LONP1: variants seen among roughly 807,000 people sequenced by gnomAD.
The protein encoded by LONP1 is lon protease homolog, mitochondrial.
In LONP1, 31 loss-of-function variants were observed where a neutral mutation model predicts 98.5. The observed-to-expected ratio is 0.31, with a 90% CI of 0.24 to 0.42. The LOEUF (loss-of-function observed/expected upper bound fraction) is 0.42, where lower values mean the gene tolerates loss of function less well. Among genes scored for constraint, LONP1 ranks in the 20% least tolerant of loss-of-function variants. The probability of loss-of-function intolerance (pLI) is 1.00; values close to 1 mark genes in which losing one functional copy is unlikely to be tolerated. For synonymous variants in LONP1, 781 were observed against 594.7 expected (o/e 1.31, Z -4.56); for missense variants, 1,336 against 1,350.6 (o/e 0.99, Z 0.17).
rs142417274 is a variant in LONP1, at chr19:5,719,424, C to G, written c.429+280G>C. On this transcript the variant is annotated intron_variant, in intron 1 of 17. Coordinates refer to ENST00000360614, the MANE Select transcript of LONP1 (RefSeq NM_004793.4). ...GCCGTAACACTACTCAGGTCCCTCC[C>G]GGCCCCGGATTTCTATGACCGGCGT... 9.4e-3 allele frequency among the ~76,000 whole-genome samples: 1,436 copies of G among 152,316 alleles called. 13 individuals are homozygous for G. The highest frequency in any genetic ancestry group is 0.013 in the Non-Finnish European group (906 of 68,032).
At chr19:5,695,907 GTC>G (rs2054917683) in intron 13 of LONP1, 145 bp downstream of exon 13, 7 of 668,660 alleles carry the variant, frequency 1.0e-5, no homozygotes, top group East Asian at 8.2e-5. Flanking sequence ...CGTCTGGTGT[GTC>G]TCTCACGGCC....
At chr19:5,710,267 T>G (rs1351493285) in intron 4 of LONP1, among the ~76,000 whole-genome samples, 1 of 151,950 alleles carries the variant, frequency 6.6e-6, no homozygotes. Context: ...TTTTGTATTT[T>G]TAGTAGACAC....
chr19:5,692,170 G>A lies in LONP1; in HGVS notation c.2742C>T (p.Ala914=), dbSNP rs376751585. The A allele has an allele frequency of 8.1e-6, 13 of 1,613,976 alleles. No homozygotes were observed. Among genetic ancestry groups the A allele is most frequent in the Admixed American group, 6.7e-5 (4 of 59,996 alleles). Residue 914 remains alanine (A), a synonymous_variant, in exon 18 of 18, where the codon GCC becomes GCT. Transcript: ENST00000360614. ...RAGVTCIVLP[A]ENKKDFYDLA... Reference sequence around the variant, plus strand: ...GGTCGTAGAAGTCCTTCTTGTTCTCGGCTGGCAGGACGATGCACGTCACCC... The same window carrying A: ...GGTCGTAGAAGTCCTTCTTGTTCTCAGCTGGCAGGACGATGCACGTCACCC...
Position 5,692,017 on chromosome 19 carries a change from G to C in LONP1, c.*15C>G, listed in dbSNP as rs754095137. The C allele has an allele frequency of 1.1e-5, 12 of 1,082,714 alleles. No individual in the cohort carries two copies. The highest frequency in any genetic ancestry group is 1.6e-5 in the Non-Finnish European group (12 of 758,686). The allele number at this position is 1,082,714 out of a possible 1,614,324, so 67.1% of individuals were successfully genotyped here. ...CAGGGCCTGACATCCGCCGCCTGCAGTCCCGGGGTGGCCGTCACCGTTCCA... is the reference window on the plus strand; with the variant it reads ...CAGGGCCTGACATCCGCCGCCTGCACTCCCGGGGTGGCCGTCACCGTTCCA... On this transcript the variant is annotated 3_prime_UTR_variant, in exon 18 of 18. Transcript: ENST00000360614.
upstream of LONP1, chr19:5,720,405 T>C (rs1417361564): frequency 6.9e-6 from 4 of 580,638 alleles, no homozygotes; most frequent in Non-Finnish European, 8.8e-6. Context: ...ACTGGTAGTG[T>C]TGCAAACGCA....
Position 5,691,888 on chromosome 19 carries a change from C to T in LONP1, c.*144G>A, listed in dbSNP as rs2054828171. 1.4e-5 allele frequency: 13 copies of T among 942,164 alleles called. No individual in the cohort carries two copies. The highest frequency in any genetic ancestry group is 3.3e-5 in the African/African-American group (2 of 61,156). The allele number at this position is 942,164 out of a possible 1,614,324, so 58.4% of individuals were successfully genotyped here. ...CTTCTATGCCACACTCTGATTAAGC[C>T]GACTGAGGTCCCTGGGATCTGGGTC... On this transcript the variant is annotated 3_prime_UTR_variant, in exon 18 of 18. Coordinates refer to ENST00000360614, the MANE Select transcript of LONP1 (RefSeq NM_004793.4).
intron 1 of LONP1, among the ~76,000 whole-genome samples, chr19:5,716,638 G>C (rs1166924496): frequency 6.6e-6 from 1 of 151,214 alleles, no homozygotes; most frequent in African/African-American, 2.4e-5. Context: ...TAAGTAAAAT[G>C]TTTGTTTAGA....
chr19:5,698,686 A>C (rs1244017036), intron 10 of LONP1, among the ~76,000 whole-genome samples: 2 of 152,164 alleles, frequency 1.3e-5, no homozygotes, highest in African/African-American at 4.8e-5. Context: ...CAGCCCACAT[A>C]GACCAGCATC....
At chr19:5,695,040 G>A in intron 13 of LONP1, 139 bp from the exon 14 acceptor site, 1 of 1,022,508 alleles carries the variant, frequency 9.8e-7, no homozygotes, top group South Asian at 1.8e-5. Context: ...ACCAGGGCCT[G>A]GACACCCCGC....
At chr19:5,697,512 GGAGAGAAGA>G (rs1208410338) in intron 10 of LONP1, among the ~76,000 whole-genome samples, 2 of 143,986 alleles carry the variant, frequency 1.4e-5, no homozygotes, top group Non-Finnish European at 3.0e-5. Flanking sequence ...GAGGAGGGGG[GGAGAGAAGA>G]GGGAGGAGAG....
chr19:5,706,759 CTG>C (rs2055152214), intron 7 of LONP1, among the ~76,000 whole-genome samples: 1 of 152,230 alleles, frequency 6.6e-6, no homozygotes, highest in Non-Finnish European at 1.5e-5. Context: ...ATTTCCAACA[CTG>C]TCCCCAAGAT....
chr19:5,701,105 G>A (rs945505051), intron 8 of LONP1, among the ~76,000 whole-genome samples, 178 bp from the exon 9 acceptor site: 1 of 152,028 alleles, frequency 6.6e-6, no homozygotes. Context: ...CTTGAGCCCA[G>A]GAGTTCAAGA....
intron 9 of LONP1, among the ~76,000 whole-genome samples, chr19:5,700,576 C>G (rs913959496): frequency 1.3e-5 from 2 of 152,342 alleles, no homozygotes; most frequent in East Asian, 3.9e-4. Context: ...CCACCATGCC[C>G]GGCCCGTCAG....
At chr19:5,697,538 G>A (rs2054959607) in intron 10 of LONP1, among the ~76,000 whole-genome samples, 1 of 137,920 alleles carries the variant, frequency 7.3e-6, no homozygotes, top group Non-Finnish European at 1.6e-5. Context: ...AGAGGGGGAA[G>A]AGGGAGGAGA....
chr19:5,694,257 C>G lies in LONP1; in HGVS notation c.2320+130G>C, dbSNP rs547392425. 2.0e-4 allele frequency: 257 copies of G among 1,261,980 alleles called. No individual in the cohort carries two copies. In the East Asian group the frequency reaches 6.4e-3, roughly 31 times the overall value. The allele number at this position is 1,261,980 out of a possible 1,614,324, so 78.2% of individuals were successfully genotyped here. ...CAGCCCAGACCCCCTGGGCTCCCAG[C>G]ACACCACCCCCCGCCAGAGGCCGTT... is the stretch of plus-strand genomic sequence containing the variant. On this transcript the variant is annotated intron_variant, in intron 15 of 17. Coordinates refer to ENST00000360614, the MANE Select transcript of LONP1 (RefSeq NM_004793.4).
Position 5,700,797 on chromosome 19 carries a change from G to T in LONP1, c.1498C>A (p.Arg500Ser). 6.2e-7 allele frequency: 1 copy of T among 1,614,142 alleles called. No homozygotes were observed. Among genetic ancestry groups the T allele is most frequent in the Non-Finnish European group, 8.5e-7 (1 of 1,180,010 alleles). Residue 500 changes from arginine (R) to serine (S), a missense_variant, in exon 9 of 18, where the codon CGC becomes AGC. By Grantham distance (110) the Arg-to-Ser change is moderately radical. This residue lies in a region of LONP1 where 219 missense variants were observed against 241.0 expected (regional missense o/e 0.91). Coordinates refer to ENST00000360614, the MANE Select transcript of LONP1 (RefSeq NM_004793.4). ...DHYGMEDVKKRILEFIAVSQL... is the reference protein window; with the variant it reads ...DHYGMEDVKKSILEFIAVSQL... ...CCAGACACTGGGCTCACCAGGATGCGTTTCTTGACGTCCTCCATGCCGTAG... is the reference window on the plus strand; with the variant it reads ...CCAGACACTGGGCTCACCAGGATGCTTTTCTTGACGTCCTCCATGCCGTAG...
At chr19:5,708,081 G>A (rs929010941) in intron 5 of LONP1, 3 of 608,100 alleles carry the variant, frequency 4.9e-6, no homozygotes, top group Non-Finnish European at 8.7e-6. Context: ...TCAGCAGTCT[G>A]CTCCCCACTC....
At chr19:5,704,637 G>A (rs1371827649) in intron 8 of LONP1, among the ~76,000 whole-genome samples, 1 of 152,232 alleles carries the variant, frequency 6.6e-6, no homozygotes, top group Non-Finnish European at 1.5e-5. Flanking sequence ...GTGGCCAGGT[G>A]GGTTCTGTCC....
intron 13 of LONP1, among the ~76,000 whole-genome samples, chr19:5,695,295 C>T (rs1392310606): frequency 6.6e-6 from 1 of 152,084 alleles, no homozygotes; most frequent in East Asian, 1.9e-4. Flanking sequence ...CACCCACAGC[C>T]CCACACAATT....
Sources: gnomAD v4.1 joint callset for allele counts (sites outside exome capture counted in the v4.1 genomes callset) on GRCh38, gnomAD v4.1.1 for gene constraint, gnomAD v4.1.1 regional missense constraint, MANE v1.5 for transcripts, NCBI Gene and HGNC (gene_info 2026-07-23, HGNC 2026-07-21) for gene names.